SAMSN1: variants seen among roughly 807,000 people sequenced by gnomAD.
The protein encoded by SAMSN1 is SAM domain-containing protein SAMSN-1.
In SAMSN1, 31 loss-of-function variants were observed where a neutral mutation model predicts 42.0. The ratio of observed to expected loss-of-function variants is 0.74; its 90% CI spans 0.55 to 1.00. The LOEUF (loss-of-function observed/expected upper bound fraction) is 1.00, where lower values mean the gene tolerates loss of function less well. Among genes scored for constraint, SAMSN1 ranks in the 50% least tolerant of loss-of-function variants. The pLI, the probability that SAMSN1 is intolerant of heterozygous loss-of-function variation, is 0.00. For synonymous variants in SAMSN1, 178 were observed against 151.9 expected, an observed-to-expected ratio of 1.17 and a Z score of -1.26; for missense variants, 464 against 439.4, an observed-to-expected ratio of 1.06 and a Z score of -0.50.
chr21:14,510,513 A>G (rs1216763636), intron 4 of SAMSN1, 52 bp from the exon 5 acceptor site: 2 of 1,597,062 alleles, frequency 1.3e-6, no homozygotes, highest in East Asian at 2.2e-5. Flanking sequence ...AACATTCTGA[A>G]TCATCATCTG....
intron 1 of SAMSN1, among the ~76,000 whole-genome samples, chr21:14,525,893 C>A (rs1233452452): frequency 3.9e-5 from 6 of 152,138 alleles, no homozygotes; most frequent in Non-Finnish European, 7.3e-5. Context: ...GAGACCGAGT[C>A]TCCCTCTGTT....
At chr21:14,593,093 C>CA (rs1442999678) in intron 7 of SAMSN1, among the ~76,000 whole-genome samples, 4 of 151,642 alleles carry the variant, frequency 2.6e-5, no homozygotes, top group Middle Eastern at 3.4e-3. Context: ...ATCTCTTAGA[C>CA]AAAAAAATAC....
At chr21:14,612,460 G>A (rs1982732781) in intron 4 of SAMSN1, 1 of 290,748 alleles carries the variant, frequency 3.4e-6, no homozygotes, top group South Asian at 3.8e-5. Context: ...CTAAAGAGAA[G>A]ATTTGGTGTG....
At chr21:14,642,752 G>C (rs979103750) in intron 2 of SAMSN1, among the ~76,000 whole-genome samples, 2 of 152,038 alleles carry the variant, frequency 1.3e-5, no homozygotes, top group Non-Finnish European at 2.9e-5. Flanking sequence ...ATTATTTATA[G>C]TCATAAGGTT....
At chr21:14,547,016 A>C (rs1047340314), upstream of SAMSN1, among the ~76,000 whole-genome samples, 1 of 152,210 alleles carries the variant, frequency 6.6e-6, no homozygotes, top group Non-Finnish European at 1.5e-5. Context: ...AAACACAGTT[A>C]GAAGATAAAA....
chr21:14,625,943 G>C (rs565162727), intron 2 of SAMSN1, among the ~76,000 whole-genome samples: 1 of 152,208 alleles, frequency 6.6e-6, no homozygotes, highest in Non-Finnish European at 1.5e-5. Flanking sequence ...ATAGACCAAT[G>C]GAACAGAACT....
chr21:14,582,763 C>CA lies in SAMSN1; in HGVS notation c.-92-276dup, dbSNP rs1226880501. Among the ~76,000 whole-genome samples the CA allele has an allele frequency of 2.0e-5, 3 of 151,952 alleles. No individual in the cohort carries two copies. The East Asian group carries it at 5.8e-4, about 29-fold the overall frequency. ...CACTGGAAAGAATGGAGGCCACATA[C>CA]AAATAATATGCTGAAAGATATTTGA... On this transcript the variant is annotated intron_variant, in intron 1 of 8. Transcript: ENST00000285670.
intron 2 of SAMSN1, among the ~76,000 whole-genome samples, chr21:14,561,155 C>T (rs367638023): frequency 6.6e-6 from 1 of 152,124 alleles, no homozygotes; most frequent in South Asian, 2.1e-4. Flanking sequence ...TTTCACGCTG[C>T]CCCACCCAGA....
chr21:14,635,520 G>A (rs1330505580), intron 2 of SAMSN1, among the ~76,000 whole-genome samples: 1 of 152,088 alleles, frequency 6.6e-6, no homozygotes, highest in African/African-American at 2.4e-5. Flanking sequence ...TTAAAATCTT[G>A]GGTTTTCTAA....
At chr21:14,575,131 C>T (rs1009411481) in intron 2 of SAMSN1, among the ~76,000 whole-genome samples, 3 of 152,098 alleles carry the variant, frequency 2.0e-5, no homozygotes, top group East Asian at 1.9e-4. Context: ...AGGCACCTTA[C>T]GTGACTTTGC....
chr21:14,647,134 A>G (rs1983730162), intron 1 of SAMSN1, among the ~76,000 whole-genome samples: 1 of 152,204 alleles, frequency 6.6e-6, no homozygotes, highest in African/African-American at 2.4e-5. Flanking sequence ...GGCTGCATGA[A>G]TGAAAAAACA....
At position 14,631,701 on chromosome 21, in the gene SAMSN1, C is replaced by T. The variant is rs960800169; in HGVS notation, c.156+11301G>A. On this transcript the variant is annotated intron_variant, in intron 2 of 15. Coordinates refer to the SAMSN1 transcript ENST00000647101. ...TTTTATAATGTTTGTTTGACTTCCT[C>T]CCCCCAATTTTGTGCTTCTAATTAC... 3.9e-5 allele frequency among the ~76,000 whole-genome samples: 6 copies of T among 152,134 alleles called. No individual in the cohort carries two copies. The East Asian group carries it at 1.2e-3, about 29-fold the overall frequency.
chr21:14,566,878 T>G (rs1981137714), intron 2 of SAMSN1, among the ~76,000 whole-genome samples: 1 of 151,984 alleles, frequency 6.6e-6, no homozygotes, highest in African/African-American at 2.4e-5. Context: ...TGTTATCCAG[T>G]ACAAAGAAAC....
At chr21:14,529,506 G>T (rs1979100730) in intron 1 of SAMSN1, among the ~76,000 whole-genome samples, 1 of 152,114 alleles carries the variant, frequency 6.6e-6, no homozygotes, top group African/African-American at 2.4e-5. Flanking sequence ...AGACCATAAG[G>T]GTTTGCATCA....
intron 2 of SAMSN1, among the ~76,000 whole-genome samples, chr21:14,620,291 G>T (rs1478881374): frequency 2.0e-5 from 3 of 152,100 alleles, no homozygotes; most frequent in African/African-American, 4.8e-5. Context: ...CATGGGGGTG[G>T]TTTTCCCTAT....
chr21:14,634,611 T>C (rs573136859), intron 2 of SAMSN1, among the ~76,000 whole-genome samples: 3 of 152,100 alleles, frequency 2.0e-5, no homozygotes, highest in South Asian at 4.2e-4. Flanking sequence ...AAAACCACAA[T>C]GAGATACCAT....
intron 7 of SAMSN1, among the ~76,000 whole-genome samples, chr21:14,489,193 G>A (rs1423810321): frequency 6.6e-6 from 1 of 152,116 alleles, no homozygotes; most frequent in Non-Finnish European, 1.5e-5. Context: ...ACCTTCATCA[G>A]TTTTGTCCCA....
At chr21:14,514,665 T>C (rs1226584149) in intron 3 of SAMSN1, among the ~76,000 whole-genome samples, 1 of 152,224 alleles carries the variant, frequency 6.6e-6, no homozygotes, top group African/African-American at 2.4e-5. Context: ...TTTTCTTTTC[T>C]TCCTATTTTT....
At chr21:14,625,219 AGACAG>A (rs1479730578) in intron 2 of SAMSN1, among the ~76,000 whole-genome samples, 1 of 152,138 alleles carries the variant, frequency 6.6e-6, no homozygotes, top group Non-Finnish European at 1.5e-5. Context: ...AACTGGCACA[AGACAG>A]GGATGCCCTC....
Sources: gnomAD v4.1 joint callset for allele counts (sites outside exome capture counted in the v4.1 genomes callset) on GRCh38, gnomAD v4.1.1 for gene constraint, MANE v1.5 for transcripts, NCBI Gene and HGNC (gene_info 2026-07-23, HGNC 2026-07-21) for gene names.